The following CAPZB variants were observed in gnomAD, a reference collection of about 807,000 sequenced individuals.
CAPZB encodes F-actin-capping protein subunit beta.
Under a neutral mutation model 38.1 loss-of-function variants are expected in CAPZB, and 2 were observed. The observed-to-expected ratio is 0.05, with a 90% CI of 0.02 to 0.17. The LOEUF (loss-of-function observed/expected upper bound fraction) is 0.17, where lower values mean the gene tolerates loss of function less well. CAPZB is among the 10% of genes least tolerant of loss of function. The pLI is 1.00. For missense variants in CAPZB, 161 were observed against 334.2 expected, an observed-to-expected ratio of 0.48 and a Z score of 4.04; for synonymous variants, 107 against 127.4, an observed-to-expected ratio of 0.84 and a Z score of 1.08.
chr1:19,418,271 G>A (rs1280768263), intron 2 of CAPZB, among the ~76,000 whole-genome samples: 1 of 150,102 alleles, frequency 6.7e-6, no homozygotes, highest in Non-Finnish European at 1.5e-5. Context: ...AGGGCAACAA[G>A]CACCAGGAGT....
chr1:19,466,225 G>A (rs1215905452), intron 1 of CAPZB, among the ~76,000 whole-genome samples: 1 of 152,154 alleles, frequency 6.6e-6, no homozygotes, highest in African/African-American at 2.4e-5. Context: ...CCGCCAGGAG[G>A]GTCTTTCACT....
chr1:19,454,734 C>G (rs2094527696), intron 1 of CAPZB, among the ~76,000 whole-genome samples: 1 of 152,204 alleles, frequency 6.6e-6, no homozygotes, highest in African/African-American at 2.4e-5. Flanking sequence ...TTGTCACGAT[C>G]TTCTCTAAAC....
At chr1:19,378,070 T>C (rs977091593) in intron 4 of CAPZB, among the ~76,000 whole-genome samples, 5 of 152,212 alleles carry the variant, frequency 3.3e-5, no homozygotes, top group Non-Finnish European at 5.9e-5. Flanking sequence ...AGGTCTGACT[T>C]TAATTCCTGG....
chr1:19,360,625 C>T (rs757505617), intron 4 of CAPZB, among the ~76,000 whole-genome samples: 8 of 152,316 alleles, frequency 5.3e-5, no homozygotes, highest in Middle Eastern at 6.8e-3. Context: ...CACCAGGTGG[C>T]CCACGGCTGC....
intron 1 of CAPZB, among the ~76,000 whole-genome samples, chr1:19,430,714 C>A (rs1280265576): frequency 6.6e-6 from 1 of 152,158 alleles, no homozygotes; most frequent in East Asian, 1.9e-4. Flanking sequence ...GGCCGCCCAC[C>A]CGCACCCGCA....
intron 2 of CAPZB, among the ~76,000 whole-genome samples, chr1:19,405,494 T>C (rs1431903149): frequency 7.3e-6 from 1 of 136,526 alleles, no homozygotes; most frequent in Non-Finnish European, 1.5e-5. Context: ...CTGATGTACA[T>C]ATCTCCTCTA....
intron 2 of CAPZB, among the ~76,000 whole-genome samples, chr1:19,393,529 C>T (rs994065292): frequency 2.6e-5 from 4 of 152,206 alleles, no homozygotes; most frequent in South Asian, 2.1e-4. Flanking sequence ...CCAGCCAACA[C>T]GAGGTGGAGA....
intron 4 of CAPZB, among the ~76,000 whole-genome samples, chr1:19,366,411 G>A (rs1399744960): frequency 2.6e-5 from 4 of 151,126 alleles, no homozygotes; most frequent in African/African-American, 7.4e-5. Context: ...ACTCCTGGCC[G>A]GGTGCGGTGG....
chr1:19,339,523 C>CA lies in CAPZB; in HGVS notation c.*6dup. ...CACGGCGTGTCTGGTTAGCATGAAA[C>CA]AGAGGTTTAGCATTGCTGCTTTCTC... On this transcript the variant is annotated 3_prime_UTR_variant, in exon 9 of 9. Transcript: ENST00000264202. The CA allele has an allele frequency of 4.4e-6, 7 of 1,605,670 alleles. No homozygotes were observed. Among genetic ancestry groups the CA allele is most frequent in the Non-Finnish European group, 6.0e-6 (7 of 1,172,212 alleles).
At position 19,419,762 on chromosome 1, in the gene CAPZB, G is replaced by A; in HGVS notation, c.4-12C>T. On this transcript the variant is annotated splice_polypyrimidine_tract_variant and intron_variant, in intron 1 of 8. Coordinates refer to ENST00000264202, the MANE Select transcript of CAPZB (RefSeq NM_004930.5). The stretch of plus-strand genomic sequence containing the variant: ...AGCTGCTGATCACTCTGTGGAGGGA[G>A]AAATACAAGTGCGTCAGTCATTTTT... The A allele has an allele frequency of 3.4e-6, 5 of 1,465,202 alleles. No individual in the cohort carries two copies. Among genetic ancestry groups the A allele is most frequent in the Non-Finnish European group, 4.7e-6 (5 of 1,061,420 alleles). 90.8% of individuals were successfully genotyped at this position (1,465,202 alleles called of 1,614,324 possible). A position where few individuals can be genotyped will look rare whatever the true frequency, so the allele number is the denominator to read the frequency against.
intron 4 of CAPZB, among the ~76,000 whole-genome samples, chr1:19,377,268 C>T (rs527369861): frequency 6.6e-6 from 1 of 152,278 alleles, no homozygotes; most frequent in Non-Finnish European, 1.5e-5. Context: ...ATGTAAGAAC[C>T]TTTAAAAGAC....
chr1:19,340,037 T>G (rs1188466028), intron 8 of CAPZB, among the ~76,000 whole-genome samples: 1 of 152,200 alleles, frequency 6.6e-6, no homozygotes, highest in Non-Finnish European at 1.5e-5. Flanking sequence ...GGTTGCTGGC[T>G]GGGGACTCAG....
At chr1:19,457,067 G>GA (rs2094535300) in intron 1 of CAPZB, among the ~76,000 whole-genome samples, 1 of 152,174 alleles carries the variant, frequency 6.6e-6, no homozygotes, top group South Asian at 2.1e-4. Flanking sequence ...GGAAGTTCCA[G>GA]AAAAAAGGCA....
chr1:19,394,580 G>A (rs2094255750), intron 2 of CAPZB, among the ~76,000 whole-genome samples: 1 of 152,132 alleles, frequency 6.6e-6, no homozygotes, highest in Non-Finnish European at 1.5e-5. Context: ...AATTAGCCGG[G>A]CGTGGTGGCG....
At chr1:19,345,063 G>A (rs763022202) in intron 7 of CAPZB, 124 bp downstream of exon 7, 149 of 764,384 alleles carry the variant, frequency 1.9e-4, no homozygotes, top group Non-Finnish European at 2.9e-4. Flanking sequence ...TCCAAGAAGC[G>A]CTCTGCCGGC....
At chr1:19,472,695 C>A (rs1005457159) in intron 1 of CAPZB, among the ~76,000 whole-genome samples, 3 of 145,946 alleles carry the variant, frequency 2.1e-5, no homozygotes, top group African/African-American at 7.7e-5. Flanking sequence ...GCAACTACTG[C>A]GCTTTCATTC....
intron 1 of CAPZB, among the ~76,000 whole-genome samples, chr1:19,433,835 A>G (rs923853407): frequency 3.3e-5 from 5 of 152,014 alleles, no homozygotes; most frequent in African/African-American, 1.2e-4. Context: ...TCAAATCTCT[A>G]TTTGTCCCTG....
intron 1 of CAPZB, among the ~76,000 whole-genome samples, chr1:19,446,252 A>G (rs1018546213): frequency 4.6e-5 from 7 of 152,252 alleles, no homozygotes; most frequent in African/African-American, 1.7e-4. Context: ...TGCGTGCAGG[A>G]AAACTGAGAC....
intron 2 of CAPZB, among the ~76,000 whole-genome samples, chr1:19,416,684 C>T (rs3121904): frequency 1.3e-5 from 2 of 151,764 alleles, no homozygotes; most frequent in African/African-American, 4.8e-5. Context: ...GAACCAGTCT[C>T]TATGCAAAAT....
Sources: gnomAD v4.1 joint callset for allele counts (sites outside exome capture counted in the v4.1 genomes callset) on GRCh38, gnomAD v4.1.1 for gene constraint, MANE v1.5 for transcripts, NCBI Gene and HGNC (gene_info 2026-07-23, HGNC 2026-07-21) for gene names.